The following WT1 variants were observed in gnomAD, a reference collection of about 807,000 sequenced individuals.
WT1 encodes the protein WT1 transcription factor.
WT1 carries 8 observed loss-of-function variants against 60.8 expected under a neutral mutation model. The ratio of observed to expected loss-of-function variants is 0.13; its 90% CI spans 0.08 to 0.24. The LOEUF is 0.24. Among genes scored for constraint, WT1 ranks in the 10% least tolerant of loss-of-function variants. The probability of loss-of-function intolerance (pLI) is 1.00; values close to 1 mark genes in which losing one functional copy is unlikely to be tolerated. For missense variants in WT1, 568 were observed against 711.8 expected (o/e 0.80, Z 2.30); for synonymous variants, 312 against 297.1 (o/e 1.05, Z -0.52).
At position 32,388,882 on chromosome 11, in the gene WT1, C is replaced by T. The variant is rs1435707641; in HGVS notation, c.*176G>A. The T allele has an allele frequency of 2.6e-6, 3 of 1,175,064 alleles. No individual in the cohort carries two copies. Among genetic ancestry groups the T allele is most frequent in the Non-Finnish European group, 3.6e-6 (3 of 841,088 alleles). 72.8% of individuals were successfully genotyped at this position (1,175,064 alleles called of 1,614,324 possible). A position where few individuals can be genotyped will look rare whatever the true frequency, so the allele number is the denominator to read the frequency against. ...AACTAAAAGTAGGCAGGGCAGAGACCAACTCTTCCAGGCACACCTGGTAGT... is the reference window on the plus strand; with the variant it reads ...AACTAAAAGTAGGCAGGGCAGAGACTAACTCTTCCAGGCACACCTGGTAGT... On this transcript the variant is annotated 3_prime_UTR_variant, in exon 10 of 10. Coordinates refer to ENST00000452863, the MANE Select transcript of WT1 (RefSeq NM_024426.6).
chr11:32,419,569 C>T lies in WT1; in HGVS notation c.888-1915G>A, dbSNP rs1401192016. On this transcript the variant is annotated intron_variant, in intron 3 of 9. Transcript: ENST00000452863. ...CTGGGAAAGAAAGATGAGTGACAGA[C>T]GCTGATGCAGAAGGGTGAATGAATC... 3.3e-5 allele frequency among the ~76,000 whole-genome samples: 5 copies of T among 152,220 alleles called. No homozygotes were observed. In the South Asian group the frequency reaches 6.2e-4, roughly 19 times the overall value.
rs1055673015 is a variant in WT1, at chr11:32,428,364, T to C, written c.784+133A>G. Reference sequence around the variant, plus strand: ...GTCTTGTCCTTTAAATACAGTGCCATTGGGGTAATGATTTCTAAGGTCCTT... The same window carrying C: ...GTCTTGTCCTTTAAATACAGTGCCACTGGGGTAATGATTTCTAAGGTCCTT... On this transcript the variant is annotated intron_variant, in intron 2 of 9. Transcript: ENST00000452863. 3 of 1,449,828 alleles carry C rather than the reference T, an allele frequency of 2.1e-6. No homozygotes were observed. The African/African-American group carries it at 4.2e-5, about 20-fold the overall frequency. 89.8% of individuals were successfully genotyped at this position (1,449,828 alleles called of 1,614,324 possible).
Position 32,388,833 on chromosome 11 carries a change from C to G in WT1, c.*225G>C, listed in dbSNP as rs1389082529. 8.6e-6 allele frequency: 6 copies of G among 698,710 alleles called. No homozygotes were observed. Among genetic ancestry groups the G allele is most frequent in the Non-Finnish European group, 1.4e-5 (6 of 432,412 alleles). 43.3% of individuals were successfully genotyped at this position (698,710 alleles called of 1,614,324 possible). A position where few individuals can be genotyped will look rare whatever the true frequency, so the allele number is the denominator to read the frequency against. ...CTTTTAACTAACCAGACATTGTTAGCTGCTTCTCCAGGGCCTGTGAGTCAA... is the reference window on the plus strand; with the variant it reads ...CTTTTAACTAACCAGACATTGTTAGGTGCTTCTCCAGGGCCTGTGAGTCAA... On this transcript the variant is annotated 3_prime_UTR_variant, in exon 10 of 10. Coordinates refer to ENST00000452863, the MANE Select transcript of WT1 (RefSeq NM_024426.6).
rs190219653 is a variant in WT1, at chr11:32,424,120, C to A, written c.887+3836G>T. Among the ~76,000 whole-genome samples, 56 of 140,066 alleles carry A rather than the reference C, an allele frequency of 4.0e-4. No homozygotes were observed. The East Asian group carries it at 9.1e-3, about 23-fold the overall frequency. 91.9% of individuals were successfully genotyped at this position (140,066 alleles called of 152,430 possible). A position where few individuals can be genotyped will look rare whatever the true frequency, so the allele number is the denominator to read the frequency against. ...GAGGTTGCAGTGAGCCAAGATTGCA[C>A]CATTGCACTCCAGCCTTGCAACAGA... is the stretch of plus-strand genomic sequence containing the variant. On this transcript the variant is annotated intron_variant, in intron 3 of 9. Transcript: ENST00000452863.
intron 5 of WT1, among the ~76,000 whole-genome samples, chr11:32,413,120 T>G (rs1376542805): frequency 1.3e-5 from 2 of 152,142 alleles, no homozygotes. Flanking sequence ...CGAACCAGCA[T>G]TTAGTGGGGT....
At chr11:32,392,196 C>T (rs1851838491) in intron 8 of WT1, 132 bp from the exon 9 acceptor site, 3 of 817,844 alleles carry the variant, frequency 3.7e-6, no homozygotes, top group Non-Finnish European at 6.4e-6. Context: ...CTGCCTCACC[C>T]TTAGATTTCC....
At position 32,398,230 on chromosome 11, in the gene WT1, C is replaced by T. The variant is rs568903036; in HGVS notation, c.1113+1718G>A. On this transcript the variant is annotated intron_variant, in intron 6 of 9. Coordinates refer to ENST00000452863, the MANE Select transcript of WT1 (RefSeq NM_024426.6). ...CATTAATCAGAACATCTCAGAGCTA[C>T]TTGCCCCACGTATCATGTGGGGTCT... 3.6e-3 allele frequency among the ~76,000 whole-genome samples: 554 copies of T among 152,276 alleles called. 4 individuals are homozygous for T. Among genetic ancestry groups the T allele is most frequent in the African/African-American group, 0.012 (502 of 41,556 alleles).
At chr11:32,403,291 G>C (rs575386285) in intron 5 of WT1, among the ~76,000 whole-genome samples, 1 of 152,116 alleles carries the variant, frequency 6.6e-6, no homozygotes, top group African/African-American at 2.4e-5. Flanking sequence ...CAAGTACAAC[G>C]TACTGGCATC....
chr11:32,428,239 C>T (rs879826190), intron 2 of WT1, among the ~76,000 whole-genome samples, 181 bp from the exon 3 acceptor site: 1 of 152,198 alleles, frequency 6.6e-6, no homozygotes, highest in Non-Finnish European at 1.5e-5. Flanking sequence ...TTGCATTCCC[C>T]TAGCAGTCGC....
intron 5 of WT1, among the ~76,000 whole-genome samples, chr11:32,402,770 C>A (rs1852194971): frequency 6.6e-6 from 1 of 152,196 alleles, no homozygotes; most frequent in Non-Finnish European, 1.5e-5. Flanking sequence ...AGGATGGTCT[C>A]AAACTCCTGG....
At chr11:32,423,507 C>A (rs1054210665) in intron 3 of WT1, among the ~76,000 whole-genome samples, 2 of 152,254 alleles carry the variant, frequency 1.3e-5, no homozygotes, top group South Asian at 2.1e-4. Context: ...TAACTGACTT[C>A]TTTCACAACT....
intron 6 of WT1, 111 bp from the exon 7 acceptor site, chr11:32,396,518 C>G (rs1851980518): frequency 6.8e-7 from 1 of 1,465,918 alleles, no homozygotes; most frequent in South Asian, 1.2e-5. Flanking sequence ...GTGGCAGGTG[C>G]AGACCTAAAA....
intron 4 of WT1, among the ~76,000 whole-genome samples, chr11:32,417,091 C>A (rs1416083232): frequency 6.6e-6 from 1 of 152,012 alleles, no homozygotes; most frequent in African/African-American, 2.4e-5. Context: ...TGTATTCTCC[C>A]TATTATGGTT....
intron 5 of WT1, among the ~76,000 whole-genome samples, chr11:32,401,190 C>A (rs1852142485): frequency 6.6e-6 from 1 of 152,192 alleles, no homozygotes; most frequent in South Asian, 2.1e-4. Context: ...AATAAAGTAC[C>A]AATACATGCT....
intron 5 of WT1, among the ~76,000 whole-genome samples, chr11:32,408,423 G>A (rs1238563471): frequency 6.8e-6 from 1 of 148,006 alleles, no homozygotes; most frequent in Admixed American, 6.9e-5. Flanking sequence ...GCTGAAGCAG[G>A]AGAATCACTT....
intron 5 of WT1, among the ~76,000 whole-genome samples, chr11:32,415,663 T>A (rs5030218): frequency 6.6e-6 from 1 of 151,942 alleles, no homozygotes; most frequent in Non-Finnish European, 1.5e-5. Flanking sequence ...GAAAAGAGAA[T>A]GGGTAGAAAG....
intron 5 of WT1, among the ~76,000 whole-genome samples, chr11:32,406,971 C>T (rs552790083): frequency 6.0e-4 from 91 of 151,912 alleles, no homozygotes; most frequent in African/African-American, 2.0e-3. Flanking sequence ...GGGTGGTGGG[C>T]GCCTGTAATC....
chr11:32,428,702 G>GC lies in WT1; in HGVS notation c.662-84_662-83insG, dbSNP rs1009665327. The stretch of plus-strand genomic sequence containing the variant: ...TGGGTCTGAACCAGCCACGGGCGGG[G>GC]GGGGTGTGCGCTGAACCCCGCATTC... On this transcript the variant is annotated intron_variant, in intron 1 of 9. Coordinates refer to ENST00000452863, the MANE Select transcript of WT1 (RefSeq NM_024426.6). The GC allele has an allele frequency of 5.8e-6, 9 of 1,554,660 alleles. No individual in the cohort carries two copies. The African/African-American group carries it at 6.8e-5, about 12-fold the overall frequency.
intron 5 of WT1, among the ~76,000 whole-genome samples, chr11:32,414,880 A>G (rs911314641): frequency 6.6e-5 from 10 of 152,086 alleles, no homozygotes; most frequent in African/African-American, 2.4e-4. Flanking sequence ...ATCAAAAAAA[A>G]AAAAAAAAAG....
Sources: gnomAD v4.1 joint callset for allele counts (sites outside exome capture counted in the v4.1 genomes callset) on GRCh38, gnomAD v4.1.1 for gene constraint, MANE v1.5 for transcripts, NCBI Gene and HGNC (gene_info 2026-07-23, HGNC 2026-07-21) for gene names.